Variants in ZNF701 observed in about 807,000 individuals in gnomAD.
ZNF701 encodes zinc finger protein 701.
A neutral mutation model predicts 7.1 loss-of-function variants in ZNF701; 6 were observed. The observed-to-expected ratio is 0.84, with a 90% CI of 0.46 to 1.66. The LOEUF (loss-of-function observed/expected upper bound fraction) is 1.66, where lower values mean the gene tolerates loss of function less well. Ranked by LOEUF, ZNF701 falls within the 40% of genes most tolerant of loss-of-function variation. The pLI, the probability that ZNF701 is intolerant of heterozygous loss-of-function variation, is 0.01. For synonymous variants in ZNF701, 166 were observed against 188.2 expected, an observed-to-expected ratio of 0.88 and a Z score of 0.97; for missense variants, 541 against 559.2, an observed-to-expected ratio of 0.97 and a Z score of 0.33.
the ZNF701 span, chr19:52,595,677 T>C: frequency 7.4e-7 from 1 of 1,351,198 alleles, no homozygotes; most frequent in South Asian, 1.3e-5. Flanking sequence ...ACAGGAGAAG[T>C]GATTCACACA....
chr19:52,590,040 C>T (rs2060030734), downstream of ZNF701, among the ~76,000 whole-genome samples: 3 of 151,956 alleles, frequency 2.0e-5, 1 homozygote, highest in South Asian at 6.2e-4. Flanking sequence ...GTGATCCACC[C>T]ACCTTGGCCT....
chr19:52,583,624 A>G lies in ZNF701; in HGVS notation c.*167A>G, dbSNP rs1247687797. ...GTTCATACTGGAGAGAAACCATACA[A>G]ATGTAAGGTTTGTGACAAGGATTTC... On this transcript the variant is annotated 3_prime_UTR_variant, in exon 4 of 4. Coordinates refer to ENST00000391785, the MANE Select transcript of ZNF701 (RefSeq NM_018260.3). The G allele has an allele frequency of 2.8e-5, 36 of 1,295,984 alleles. No homozygotes were observed. The East Asian group carries it at 6.5e-4, about 23-fold the overall frequency. 80.3% of individuals were successfully genotyped at this position (1,295,984 alleles called of 1,614,324 possible).
At chr19:52,590,022 G>A (rs10411152), downstream of ZNF701, among the ~76,000 whole-genome samples, 578 of 151,816 alleles carry the variant, frequency 3.8e-3, 6 homozygotes, top group African/African-American at 0.013. Flanking sequence ...TCGATCTCCC[G>A]ACCTCAGGTG....
intron 3 of ZNF701, among the ~76,000 whole-genome samples, chr19:52,577,712 G>A (rs947433288): frequency 2.6e-5 from 4 of 151,956 alleles, no homozygotes; most frequent in South Asian, 4.2e-4. Context: ...TTAGCAGACC[G>A]CGAAAGGGGG....
chr19:52,595,895 G>A, the ZNF701 span: 1 of 1,613,116 alleles, frequency 6.2e-7, no homozygotes, highest in Non-Finnish European at 8.5e-7. Flanking sequence ...AGATCAGCTT[G>A]GATCAAGCTT....
chr19:52,596,918 T>A, the ZNF701 span: 4 of 566,062 alleles, frequency 7.1e-6, no homozygotes, highest in Non-Finnish European at 1.4e-5. Flanking sequence ...GAGAGAAACC[T>A]TACAAGTGTA....
At chr19:52,575,127 G>T (rs1253481047) in intron 2 of ZNF701, among the ~76,000 whole-genome samples, 2 of 151,920 alleles carry the variant, frequency 1.3e-5, no homozygotes, top group African/African-American at 4.8e-5. Context: ...CCCCCACCAC[G>T]CCCGGATAAT....
Position 52,583,309 on chromosome 19 carries a change from A to G in ZNF701, c.1250A>G (p.Lys417Arg), listed in dbSNP as rs148924371. 2.5e-6 allele frequency: 4 copies of G among 1,605,086 alleles called. No individual in the cohort carries two copies. The highest frequency in any genetic ancestry group is 1.7e-6 in the Non-Finnish European group (2 of 1,172,430). The part of the protein sequence containing the change: ...EKRYKCNECG[K>R]VFNHKSNLAC... Reference sequence around the variant, plus strand: ...CGTTACAAGTGTAATGAATGTGGCAAGGTTTTTAATCACAAATCAAACCTT... The same window carrying G: ...CGTTACAAGTGTAATGAATGTGGCAGGGTTTTTAATCACAAATCAAACCTT... Residue 417 changes from lysine to arginine, a missense_variant, in exon 4 of 4, where the codon AAG (lysine) becomes AGG (arginine). By Grantham distance (26) the Lys-to-Arg change is conservative. Coordinates refer to ENST00000391785, the MANE Select transcript of ZNF701 (RefSeq NM_018260.3).
chr19:52,593,622 G>A, the ZNF701 span, among the ~76,000 whole-genome samples: 1 of 110,024 alleles, frequency 9.1e-6, no homozygotes, highest in Non-Finnish European at 1.9e-5. Flanking sequence ...CTGGGCGGAG[G>A]GGCTTCTCAC....
downstream of ZNF701, among the ~76,000 whole-genome samples, chr19:52,590,375 G>A (rs1170097706): frequency 1.3e-5 from 2 of 152,082 alleles, no homozygotes; most frequent in African/African-American, 2.4e-5. Flanking sequence ...CCTGGTGTGA[G>A]CCACCTTGCC....
At chr19:52,572,491 G>A (rs2059907656) in intron 1 of ZNF701, 1 of 989,296 alleles carries the variant, frequency 1.0e-6, no homozygotes, top group African/African-American at 1.7e-5. Context: ...CTTTATCCCA[G>A]GTATGTGAAA....
At chr19:52,571,408 C>CA (rs1165347507) in intron 1 of ZNF701, among the ~76,000 whole-genome samples, 3 of 151,804 alleles carry the variant, frequency 2.0e-5, no homozygotes, top group East Asian at 1.9e-4. Flanking sequence ...ACAGGGAGAG[C>CA]GGCAGAGATG....
the ZNF701 span, among the ~76,000 whole-genome samples, chr19:52,598,491 A>G: frequency 4.6e-5 from 7 of 152,086 alleles, no homozygotes; most frequent in Non-Finnish European, 8.8e-5. Context: ...GGGCACTGGC[A>G]ATTAGAAGGG....
At chr19:52,577,021 T>G (rs969813505) in intron 3 of ZNF701, among the ~76,000 whole-genome samples, 7 of 152,340 alleles carry the variant, frequency 4.6e-5, no homozygotes, top group Middle Eastern at 3.4e-3. Context: ...AGAATTCTGT[T>G]GGAAAAGGAA....
rs776260857 is a variant in ZNF701, at chr19:52,583,466, A to G, written c.*9A>G. On this transcript the variant is annotated 3_prime_UTR_variant, in exon 4 of 4. Transcript: ENST00000391785. The stretch of plus-strand genomic sequence containing the variant: ...CTGGAAAGAAATCTTAGAAGTGTAA[A>G]TTTGCAAGGTTTTTAGGCAACAGTC... 18 of 1,609,470 alleles carry G rather than the reference A, an allele frequency of 1.1e-5. No individual in the cohort carries two copies. The South Asian group carries it at 1.9e-4, about 17-fold the overall frequency.
At position 52,586,259 on chromosome 19, in the gene ZNF701, C is replaced by T. The variant is rs2060011152; in HGVS notation, c.*2802C>T. On this transcript the variant is annotated 3_prime_UTR_variant, in exon 4 of 4. Coordinates refer to ENST00000391785, the MANE Select transcript of ZNF701 (RefSeq NM_018260.3). ...GTTTTGCCTTGTTGTCTAGGTTGGG[C>T]TCCAACTGCAGGGCTAAAGCGATCC... 6.6e-6 allele frequency: 1 copy of T among 152,054 alleles called. No individual in the cohort carries two copies. The highest frequency in any genetic ancestry group is 6.6e-5 in the Admixed American group (1 of 15,260). 9.4% of individuals were successfully genotyped at this position (152,054 alleles called of 1,614,324 possible).
the ZNF701 span, chr19:52,592,220 A>G: frequency 6.3e-7 from 1 of 1,577,892 alleles, no homozygotes; most frequent in Admixed American, 1.7e-5. Flanking sequence ...AGGAACCTGG[A>G]GTTTGTGGGT....
chr19:52,571,233 TGAGAGA>T (rs3837922), intron 1 of ZNF701, among the ~76,000 whole-genome samples: 30 of 142,128 alleles, frequency 2.1e-4, no homozygotes, highest in Admixed American at 4.2e-4. Context: ...CTCATCAGAG[TGAGAGA>T]GAGAGAGAGA....
Position 52,584,971 on chromosome 19 carries a change from G to A in ZNF701, c.*1514G>A, listed in dbSNP as rs1040247633. 1.3e-5 allele frequency: 2 copies of A among 152,364 alleles called. No individual in the cohort carries two copies. Among genetic ancestry groups the A allele is most frequent in the Non-Finnish European group, 2.9e-5 (2 of 68,172 alleles). The allele number at this position is 152,364 out of a possible 1,614,324, so 9.4% of individuals were successfully genotyped here. A position where few individuals can be genotyped will look rare whatever the true frequency, so the allele number is the denominator to read the frequency against. ...CATGGACTGAAGGTTGCCCCGTTGA[G>A]TTTGCGCTTCCCAGTTCTCTGGTAC... On this transcript the variant is annotated 3_prime_UTR_variant, in exon 4 of 4. Transcript: ENST00000391785.
Sources: gnomAD v4.1 joint callset for allele counts (sites outside exome capture counted in the v4.1 genomes callset) on GRCh38, gnomAD v4.1.1 for gene constraint, MANE v1.5 for transcripts, NCBI Gene and HGNC (gene_info 2026-07-23, HGNC 2026-07-21) for gene names.